The following TRPC5 variants were observed in gnomAD, a reference collection of about 807,000 sequenced individuals.
The protein encoded by TRPC5 is short transient receptor potential channel 5.
A neutral mutation model predicts 56.5 loss-of-function variants in TRPC5; 9 were observed. The observed-to-expected ratio is 0.16, with a 90% CI of 0.10 to 0.28. TRPC5 has a LOEUF of 0.28. Among genes scored for constraint, TRPC5 ranks in the 10% least tolerant of loss-of-function variants. The pLI is 1.00. For synonymous variants in TRPC5, 282 were observed against 278.5 expected (o/e 1.01, Z -0.13); for missense variants, 469 against 748.9 (o/e 0.63, Z 4.36).
chrX:112,074,299 T>TTATA (rs749020277), intron 1 of TRPC5, among the ~76,000 whole-genome samples: 11 of 100,036 alleles, frequency 1.1e-4, no homozygotes, highest in Admixed American at 2.1e-4. Context: ...TTTTATTTTA[T>TTATA]TATATATATA....
rs933807717 is a variant in TRPC5 at position 112,000,424 on chromosome X, T to G, written c.-21-47983A>C. 6.3e-5 allele frequency among the ~76,000 whole-genome samples: 7 copies of G among 111,412 alleles called. No homozygotes were observed. In the South Asian group the frequency reaches 1.5e-3, roughly 24 times the overall value. Reference sequence around the variant, plus strand: ...GTGTTAGAAACAATTCAAATATAGGTGAGTAGATGATCTGGACAGGGTTCA... The same window carrying G: ...GTGTTAGAAACAATTCAAATATAGGGGAGTAGATGATCTGGACAGGGTTCA... On this transcript the variant is annotated intron_variant, in intron 1 of 10. Coordinates refer to ENST00000262839, the MANE Select transcript of TRPC5 (RefSeq NM_012471.3).
chrX:111,892,756 T>C (rs996336998), intron 3 of TRPC5, among the ~76,000 whole-genome samples: 4 of 111,920 alleles, frequency 3.6e-5, no homozygotes, highest in South Asian at 3.8e-4. Context: ...AACTATGAGA[T>C]GAATTGTGTC....
chrX:111,937,526 G>A (rs1234330113), intron 2 of TRPC5, among the ~76,000 whole-genome samples: 12 of 106,514 alleles, frequency 1.1e-4, no homozygotes, highest in African/African-American at 3.9e-4. Flanking sequence ...TTTGTATAAG[G>A]TGTAAGGAAG....
At chrX:111,965,092 G>A (rs1432821014) in intron 1 of TRPC5, among the ~76,000 whole-genome samples, 2 of 111,153 alleles carry the variant, frequency 1.8e-5, no homozygotes, top group Non-Finnish European at 3.8e-5. Context: ...CTCACGTGCA[G>A]AGACACACAT....
At position 112,004,207 on chromosome X, in the gene TRPC5, G is replaced by GTTAA. The variant is rs1397255247; in HGVS notation, c.-21-51767_-21-51766insTTAA. Among the ~76,000 whole-genome samples the GTTAA allele has an allele frequency of 9.8e-5, 11 of 111,740 alleles. No homozygotes were observed. In the South Asian group the frequency reaches 1.5e-3, roughly 15 times the overall value. ...CATGTTGCACTTAATTAACCATAGAGTTATCTGTATGTTCTGTTGTTATAT... is the reference window on the plus strand; with the variant it reads ...CATGTTGCACTTAATTAACCATAGAGTTAATTATCTGTATGTTCTGTTGTTATAT... On this transcript the variant is annotated intron_variant, in intron 1 of 10. Coordinates refer to ENST00000262839, the MANE Select transcript of TRPC5 (RefSeq NM_012471.3).
intron 2 of TRPC5, among the ~76,000 whole-genome samples, chrX:111,944,303 T>TGTGTGTGAAAGAGA (rs1173179815): frequency 1.6e-3 from 97 of 61,364 alleles, no homozygotes; most frequent in African/African-American, 9.8e-3. Flanking sequence ...TGTGTGTGTG[T>TGTGTGTGAAAGAGA]GAGAGAGAGA....
At chrX:111,987,091 T>C (rs112331012) in intron 1 of TRPC5, among the ~76,000 whole-genome samples, 1,438 of 111,982 alleles carry the variant, frequency 0.013, 26 homozygotes, top group African/African-American at 0.044. Flanking sequence ...TTGTTTCTTA[T>C]AAGTGGTTGA....
intron 1 of TRPC5, among the ~76,000 whole-genome samples, chrX:112,014,531 TCTC>T (rs1929072306): frequency 8.9e-6 from 1 of 112,251 alleles, no homozygotes; most frequent in Non-Finnish European, 1.9e-5. Flanking sequence ...GAACTAATCA[TCTC>T]CTTATTCTAA....
chrX:111,992,318 T>C (rs1403126455), intron 1 of TRPC5, among the ~76,000 whole-genome samples: 1 of 112,222 alleles, frequency 8.9e-6, no homozygotes, highest in Non-Finnish European at 1.9e-5. Flanking sequence ...ACATATCAAG[T>C]TGCACACTTT....
At chrX:111,895,289 A>C (rs1925011072) in intron 3 of TRPC5, among the ~76,000 whole-genome samples, 1 of 111,654 alleles carries the variant, frequency 9.0e-6, no homozygotes, top group South Asian at 3.8e-4. Context: ...AATAGTGATG[A>C]ACACCTATTT....
chrX:111,939,129 A>G (rs774481291), intron 2 of TRPC5, among the ~76,000 whole-genome samples: 1 of 111,981 alleles, frequency 8.9e-6, no homozygotes, highest in Non-Finnish European at 1.9e-5. Flanking sequence ...AGGTTATCAA[A>G]TGTTTCTTCA....
intron 1 of TRPC5, among the ~76,000 whole-genome samples, chrX:111,990,950 T>A (rs1928338249): frequency 8.9e-6 from 1 of 112,617 alleles, no homozygotes; most frequent in African/African-American, 3.2e-5. Flanking sequence ...AGAACTGCTT[T>A]ATCTTTGATG....
chrX:111,826,533 C>T (rs748671317), intron 7 of TRPC5, among the ~76,000 whole-genome samples: 11 of 112,318 alleles, frequency 9.8e-5, no homozygotes, highest in Admixed American at 2.8e-4. Flanking sequence ...GAGAAAAATA[C>T]GTAGATTGCC....
chrX:111,858,807 A>T (rs1244488938), intron 3 of TRPC5, among the ~76,000 whole-genome samples: 1 of 111,579 alleles, frequency 9.0e-6, no homozygotes, highest in Admixed American at 9.6e-5. Context: ...CAGCCTTCTT[A>T]TCTGTGTTTT....
chrX:112,055,597 G>C (rs1345703570), intron 1 of TRPC5, among the ~76,000 whole-genome samples: 1 of 109,001 alleles, frequency 9.2e-6, no homozygotes, highest in Non-Finnish European at 1.9e-5. Context: ...AAGATTTTCA[G>C]ACTATAATAT....
At chrX:111,846,399 A>G (rs1922927117) in intron 6 of TRPC5, among the ~76,000 whole-genome samples, 1 of 111,860 alleles carries the variant, frequency 8.9e-6, no homozygotes, top group Admixed American at 9.5e-5. Flanking sequence ...TTGATTTATC[A>G]GAAAATAAAA....
At chrX:112,069,114 T>C (rs1355934034) in intron 1 of TRPC5, among the ~76,000 whole-genome samples, 2 of 111,867 alleles carry the variant, frequency 1.8e-5, no homozygotes, top group Admixed American at 9.5e-5. Flanking sequence ...CCAGACTCTA[T>C]GCTAAGCACT....
chrX:111,843,974 C>T (rs1430734447), intron 6 of TRPC5, among the ~76,000 whole-genome samples: 1 of 105,060 alleles, frequency 9.5e-6, no homozygotes, highest in East Asian at 3.1e-4. Flanking sequence ...GAGAGGTATT[C>T]AAGGGATACT....
At chrX:111,882,230 A>G (rs1924258369) in intron 3 of TRPC5, among the ~76,000 whole-genome samples, 2 of 110,367 alleles carry the variant, frequency 1.8e-5, no homozygotes, top group South Asian at 3.9e-4. Flanking sequence ...GTTATATAAA[A>G]GAGTATCCCC....
Sources: gnomAD v4.1 joint callset for allele counts (sites outside exome capture counted in the v4.1 genomes callset) on GRCh38, gnomAD v4.1.1 for gene constraint, MANE v1.5 for transcripts, NCBI Gene and HGNC (gene_info 2026-07-23, HGNC 2026-07-21) for gene names.